FARP1: variants seen among roughly 807,000 people sequenced by gnomAD.
The protein encoded by FARP1 is FERM, ARH/RhoGEF and pleckstrin domain protein 1, also known as FERM, ARHGEF and pleckstrin domain-containing protein 1.
A neutral mutation model predicts 128.8 loss-of-function variants in FARP1; 52 were observed. The observed-to-expected ratio is 0.40, with a 90% CI of 0.32 to 0.51. The LOEUF (loss-of-function observed/expected upper bound fraction) is 0.51. FARP1 is among the 20% of genes least tolerant of loss of function. The pLI, the probability that FARP1 is intolerant of heterozygous loss-of-function variation, is 0.45. For synonymous variants in FARP1, 580 were observed against 551.8 expected (o/e 1.05, Z -0.72); for missense variants, 1,333 against 1,367.9 (o/e 0.97, Z 0.40).
intron 2 of FARP1, among the ~76,000 whole-genome samples, chr13:98,217,656 A>G (rs1881157004): frequency 6.6e-6 from 1 of 152,188 alleles, no homozygotes; most frequent in Admixed American, 6.5e-5. Flanking sequence ...GTGCCTGGGC[A>G]ACTCCCATGG....
intron 2 of FARP1, among the ~76,000 whole-genome samples, chr13:98,271,976 G>A (rs532332279): frequency 1.3e-5 from 2 of 152,144 alleles, no homozygotes; most frequent in South Asian, 4.2e-4. Context: ...GGGTCAAATG[G>A]TATTTCTAGT....
chr13:98,155,205 G>C (rs1394778600), intron 1 of FARP1, among the ~76,000 whole-genome samples: 1 of 152,116 alleles, frequency 6.6e-6, no homozygotes, highest in African/African-American at 2.4e-5. Context: ...AATTATCTGG[G>C]AGTGCTGGCA....
chr13:98,219,235 G>T (rs1881274204), intron 2 of FARP1, among the ~76,000 whole-genome samples: 1 of 152,152 alleles, frequency 6.6e-6, no homozygotes. Context: ...GAAAGCTCAG[G>T]GTTTCCTCTT....
chr13:98,314,272 G>A (rs1445367188), intron 2 of FARP1, among the ~76,000 whole-genome samples: 1 of 112,618 alleles, frequency 8.9e-6, no homozygotes, highest in African/African-American at 3.3e-5. Flanking sequence ...TATATTTTAT[G>A]TCTTTTTTTT....
At chr13:98,219,414 G>A (rs1257204713) in intron 2 of FARP1, among the ~76,000 whole-genome samples, 5 of 151,930 alleles carry the variant, frequency 3.3e-5, no homozygotes, top group Non-Finnish European at 7.4e-5. Context: ...GAGTGCAGTG[G>A]CATGATCATA....
chr13:98,417,455 GA>G (rs869304302), intron 16 of FARP1, among the ~76,000 whole-genome samples: 1,405 of 58,062 alleles, frequency 0.024, 6 homozygotes, highest in East Asian at 0.11. Flanking sequence ...CCAGAGGTTT[GA>G]AAAAAAAAAA....
chr13:98,420,870 A>C (rs1377477767), intron 16 of FARP1, among the ~76,000 whole-genome samples: 1 of 152,232 alleles, frequency 6.6e-6, no homozygotes, highest in Non-Finnish European at 1.5e-5. Context: ...ATTTGGAGGC[A>C]GTGACATGTA....
chr13:98,249,192 G>C (rs1343357489), intron 2 of FARP1, among the ~76,000 whole-genome samples: 1 of 152,128 alleles, frequency 6.6e-6, no homozygotes, highest in Non-Finnish European at 1.5e-5. Context: ...AGAATCGACT[G>C]TATTTCAACT....
intron 8 of FARP1, among the ~76,000 whole-genome samples, chr13:98,387,041 C>G (rs1174647881): frequency 6.6e-6 from 1 of 152,194 alleles, no homozygotes; most frequent in Non-Finnish European, 1.5e-5. Flanking sequence ...TCGCTCACAC[C>G]TGTAATCCCA....
intron 2 of FARP1, among the ~76,000 whole-genome samples, chr13:98,327,278 T>G (rs567002765): frequency 6.6e-6 from 1 of 152,336 alleles, no homozygotes; most frequent in East Asian, 1.9e-4. Context: ...GTCACTAAAT[T>G]TAGTTTATAA....
At chr13:98,266,877 G>C (rs954000586) in intron 2 of FARP1, among the ~76,000 whole-genome samples, 1 of 151,894 alleles carries the variant, frequency 6.6e-6, no homozygotes, top group African/African-American at 2.4e-5. Context: ...AGCCGGGTGC[G>C]GTGGTGCACG....
At chr13:98,267,591 G>A (rs9554458) in intron 2 of FARP1, among the ~76,000 whole-genome samples, 63,359 of 152,050 alleles carry the variant, frequency 0.42, 14,026 homozygotes, top group African/African-American at 0.55. Context: ...ATTGGAAAAT[G>A]TTCCAGCCCC....
At chr13:98,385,604 C>CA in intron 7 of FARP1, 63 bp from the exon 8 acceptor site, 1 of 1,577,482 alleles carries the variant, frequency 6.3e-7, no homozygotes. Flanking sequence ...TTCTTAATCT[C>CA]AAATTAATAG....
At chr13:98,390,967 C>G in intron 11 of FARP1, 87 bp downstream of exon 11, 1 of 873,248 alleles carries the variant, frequency 1.1e-6, no homozygotes, top group Non-Finnish European at 1.9e-6. Context: ...TTTCTTTACC[C>G]AGACTTCAGA....
At chr13:98,151,099 T>C (rs1385352554) in intron 1 of FARP1, among the ~76,000 whole-genome samples, 1 of 148,574 alleles carries the variant, frequency 6.7e-6, no homozygotes, top group Non-Finnish European at 1.5e-5. Context: ...TGAAATCTCT[T>C]AGCGTCCCAC....
At chr13:98,320,449 T>C (rs117621709) in intron 2 of FARP1, among the ~76,000 whole-genome samples, 2 of 152,338 alleles carry the variant, frequency 1.3e-5, no homozygotes, top group East Asian at 3.9e-4. Flanking sequence ...AAATCATCTT[T>C]GGATGACTAG....
At chr13:98,363,982 C>T (rs1055170211) in intron 3 of FARP1, among the ~76,000 whole-genome samples, 1 of 152,156 alleles carries the variant, frequency 6.6e-6, no homozygotes, top group Non-Finnish European at 1.5e-5. Flanking sequence ...CCTTGTGATC[C>T]ACCTGCCTTG....
chr13:98,395,392 G>A lies in FARP1; in HGVS notation c.1330G>A (p.Ala444Thr), dbSNP rs774917492. The change falls in exon 13 of 27, where the codon GCC (alanine) becomes ACC (threonine). Residue 444 changes from alanine (A) to threonine (T), a missense_variant. By Grantham distance (58) the Ala-to-Thr change is moderately conservative. Transcript: ENST00000319562. Reference sequence around the variant, plus strand: ...GGGTAACAAGCAGGCGGACGGAGCCGCCTCGGCGCCCACGGAGGAAGAGGA... The same window carrying A: ...GGGTAACAAGCAGGCGGACGGAGCCACCTCGGCGCCCACGGAGGAAGAGGA... ...PAGNKQADGAASAPTEEEEEV... is the reference protein window; with the variant it reads ...PAGNKQADGATSAPTEEEEEV... 2 of 1,611,546 alleles carry A rather than the reference G, an allele frequency of 1.2e-6. No individual in the cohort carries two copies. The highest frequency in any genetic ancestry group is 1.7e-6 in the Non-Finnish European group (2 of 1,178,930).
chr13:98,320,455 A>T (rs1886940789), intron 2 of FARP1, among the ~76,000 whole-genome samples: 2 of 152,188 alleles, frequency 1.3e-5, no homozygotes, highest in African/African-American at 4.8e-5. Flanking sequence ...TCTTTGGATG[A>T]CTAGAATGAA....
Sources: allele counts gnomAD v4.1 joint callset (sites outside exome capture counted in the v4.1 genomes callset), GRCh38; gene constraint gnomAD v4.1.1; transcripts MANE v1.5; gene names NCBI Gene and HGNC (gene_info 2026-07-23, HGNC 2026-07-21).